The following TNPO1 variants were observed in gnomAD, a reference collection of about 807,000 sequenced individuals.
TNPO1 encodes the protein transportin 1.
In TNPO1, 8 loss-of-function variants were observed where a neutral mutation model predicts 119.5. The ratio of observed to expected loss-of-function variants is 0.07; its 90% CI spans 0.04 to 0.12. The LOEUF (loss-of-function observed/expected upper bound fraction) is 0.12, where lower values mean the gene tolerates loss of function less well. Among genes scored for constraint, TNPO1 ranks in the 10% least tolerant of loss-of-function variants. The pLI is 1.00. For missense variants in TNPO1, 576 were observed against 1,089.8 expected (o/e 0.53, Z 6.64); for synonymous variants, 362 against 363.0 (o/e 1.00, Z 0.03).
Position 72,816,747 on chromosome 5 carries a change from G to T in TNPO1, c.10G>T (p.Asp4Tyr). 1.9e-6 allele frequency: 3 copies of T among 1,585,944 alleles called. No homozygotes were observed. The highest frequency in any genetic ancestry group is 1.4e-5 in the African/African-American group (1 of 73,214). MVWDRQTKMEYEWK... is the reference protein window; with the variant it reads MVWYRQTKMEYEWK... The stretch of plus-strand genomic sequence containing the variant: ...GCCCGAGGCGTCTGGGATGGTGTGG[G>T]ACCGGGTAGGTGGCGTGAGGGTGCG... The change falls in exon 1 of 25, where the codon GAC becomes TAC. Residue 4 changes from aspartate (D) to tyrosine (Y), a missense_variant. Physicochemically the swap from Asp to Tyr is radical, Grantham distance 160 (BLOSUM62 -3). Transcript: ENST00000337273.
At position 72,887,228 on chromosome 5, in the gene TNPO1, C is replaced by CAATTT. The variant is rs374264185; in HGVS notation, c.1303+6_1303+7insAATTT. Reference sequence around the variant, plus strand: ...TTTAGGAGCAATTGCTGAAGGTAAGCCTAAGTCCAGTTTGAATTATGTAAG... The same window carrying CAATTT: ...TTTAGGAGCAATTGCTGAAGGTAAGCAATTTCTAAGTCCAGTTTGAATTATGTAAG... On this transcript the variant is annotated splice_region_variant and intron_variant, in intron 12 of 24. Coordinates refer to ENST00000337273, the MANE Select transcript of TNPO1 (RefSeq NM_002270.4). 1 of 1,608,258 alleles carries CAATTT rather than the reference C, an allele frequency of 6.2e-7. No homozygotes were observed. Among genetic ancestry groups the CAATTT allele is most frequent in the East Asian group, 2.2e-5 (1 of 44,534 alleles).
At chr5:72,854,284 T>C (rs1323917447) in intron 3 of TNPO1, among the ~76,000 whole-genome samples, 1 of 152,170 alleles carries the variant, frequency 6.6e-6, no homozygotes, top group Non-Finnish European at 1.5e-5. Flanking sequence ...TGGAAAGTAG[T>C]TTTTAAATGA....
chr5:72,896,921 C>T (rs1315836679), intron 19 of TNPO1, 135 bp from the exon 20 acceptor site: 5 of 446,254 alleles, frequency 1.1e-5, no homozygotes, highest in South Asian at 6.8e-5. Context: ...TTTGTAATTG[C>T]TTTAATTTTA....
At chr5:72,834,313 A>G (rs961184597) in intron 1 of TNPO1, among the ~76,000 whole-genome samples, 55 of 152,360 alleles carry the variant, frequency 3.6e-4, no homozygotes, top group African/African-American at 1.3e-3. Context: ...AGTCCACTGT[A>G]AAACCACCTC....
intron 6 of TNPO1, among the ~76,000 whole-genome samples, chr5:72,870,631 T>C (rs1339023970): frequency 6.6e-6 from 1 of 152,236 alleles, no homozygotes; most frequent in African/African-American, 2.4e-5. Context: ...ATAGAAACTA[T>C]ATTAAACTTC....
chr5:72,822,308 A>G (rs1004485377), intron 1 of TNPO1, among the ~76,000 whole-genome samples: 13 of 144,626 alleles, frequency 9.0e-5, no homozygotes, highest in Non-Finnish European at 2.0e-4. Flanking sequence ...AGAAAAATGC[A>G]AAGTAAAGCA....
chr5:72,870,518 T>TA (rs751959533), intron 6 of TNPO1, among the ~76,000 whole-genome samples: 1 of 152,200 alleles, frequency 6.6e-6, no homozygotes, highest in Non-Finnish European at 1.5e-5. Flanking sequence ...TTGAACATAT[T>TA]ACATATTAAA....
At chr5:72,883,920 T>G (rs969593738) in intron 11 of TNPO1, among the ~76,000 whole-genome samples, 4 of 149,060 alleles carry the variant, frequency 2.7e-5, no homozygotes, top group Non-Finnish European at 6.0e-5. Flanking sequence ...GAATTTTTGT[T>G]TTTTTTTTTT....
chr5:72,857,676 T>C (rs1472073027), intron 4 of TNPO1, among the ~76,000 whole-genome samples: 1 of 152,216 alleles, frequency 6.6e-6, no homozygotes. Context: ...GCAACTCAGC[T>C]GAAAGGAAAG....
intron 5 of TNPO1, among the ~76,000 whole-genome samples, chr5:72,863,028 TTTTTTTTGTTG>T (rs1452191512): frequency 7.5e-6 from 1 of 132,882 alleles, no homozygotes; most frequent in East Asian, 2.0e-4. Context: ...GTGTGTGTGG[TTTTTTTTGTTG>T]TTTTTTTGGG....
chr5:72,828,588 T>A (rs371238224), intron 1 of TNPO1, among the ~76,000 whole-genome samples: 1 of 152,162 alleles, frequency 6.6e-6, no homozygotes, highest in African/African-American at 2.4e-5. Flanking sequence ...CTTTAGCCCT[T>A]AATACTTTAA....
rs981203034 is a variant in TNPO1, at chr5:72,911,156, T to C, written c.*2483T>C. The C allele has an allele frequency of 6.6e-6, 1 of 152,094 alleles. No individual in the cohort carries two copies. Among genetic ancestry groups the C allele is most frequent in the Non-Finnish European group, 1.5e-5 (1 of 67,950 alleles). 9.4% of individuals were successfully genotyped at this position (152,094 alleles called of 1,614,324 possible). On this transcript the variant is annotated 3_prime_UTR_variant, in exon 25 of 25. Transcript: ENST00000337273. The stretch of plus-strand genomic sequence containing the variant: ...TAAATTGAAATGACCAAATTCGATT[T>C]AAAACAAACACATAACAATCTTCAG...
intron 22 of TNPO1, among the ~76,000 whole-genome samples, chr5:72,902,576 T>A (rs909307124): frequency 6.6e-5 from 10 of 152,086 alleles, no homozygotes; most frequent in African/African-American, 2.4e-4. Context: ...GTATCTGATA[T>A]GACATGTACC....
intron 6 of TNPO1, among the ~76,000 whole-genome samples, chr5:72,868,259 C>T (rs1045773520): frequency 3.3e-5 from 5 of 151,828 alleles, no homozygotes; most frequent in South Asian, 4.2e-4. Context: ...GGTGAAACCC[C>T]GCCTCTGCTA....
intron 2 of TNPO1, 107 bp from the exon 3 acceptor site, chr5:72,851,137 G>A (rs891582649): frequency 3.0e-6 from 2 of 677,012 alleles, no homozygotes; most frequent in Non-Finnish European, 5.1e-6. Context: ...AAAAAAAAAC[G>A]CAGGACTGAA....
intron 13 of TNPO1, among the ~76,000 whole-genome samples, chr5:72,889,575 A>G (rs1386293585): frequency 6.6e-6 from 1 of 152,194 alleles, no homozygotes; most frequent in Non-Finnish European, 1.5e-5. Context: ...AGGAAATACA[A>G]AGCAGCAACA....
intron 1 of TNPO1, among the ~76,000 whole-genome samples, chr5:72,830,462 T>C (rs767386849): frequency 1.3e-5 from 2 of 152,202 alleles, no homozygotes; most frequent in Non-Finnish European, 2.9e-5. Context: ...TTTAAATTAA[T>C]AGGTTAAGAA....
chr5:72,860,712 A>G (rs1292833727), intron 4 of TNPO1, among the ~76,000 whole-genome samples: 3 of 152,170 alleles, frequency 2.0e-5, no homozygotes, highest in Admixed American at 6.5e-5. Context: ...ATACAGGATT[A>G]TTCTCAAGTG....
intron 11 of TNPO1, among the ~76,000 whole-genome samples, chr5:72,883,747 G>GT (rs970178938): frequency 1.2e-3 from 184 of 151,748 alleles, no homozygotes; most frequent in African/African-American, 4.2e-3. Context: ...TTGTTTGTTT[G>GT]TTTTTTTGTT....
Sources: allele counts gnomAD v4.1 joint callset (sites outside exome capture counted in the v4.1 genomes callset), GRCh38; gene constraint gnomAD v4.1.1; transcripts MANE v1.5; gene names NCBI Gene and HGNC (gene_info 2026-07-23, HGNC 2026-07-21).